Variants in AFF2 observed in about 807,000 individuals in gnomAD.
The protein encoded by AFF2 is ALF transcription elongation factor 2.
A neutral mutation model predicts 76.9 loss-of-function variants in AFF2; 14 were observed. That is an observed-to-expected ratio of 0.18 (90% confidence interval 0.12 to 0.28). AFF2 has a LOEUF of 0.28. Ranked by LOEUF, AFF2 falls within the 10% of genes least tolerant of loss-of-function variation. The pLI, the probability that AFF2 is intolerant of heterozygous loss-of-function variation, is 1.00. For synonymous variants in AFF2, 398 were observed against 366.7 expected (o/e 1.09, Z -0.98); for missense variants, 868 against 1,001.1 (o/e 0.87, Z 1.79).
At chrX:148,735,348 T>A (rs2055272567) in intron 3 of AFF2, among the ~76,000 whole-genome samples, 1 of 112,254 alleles carries the variant, frequency 8.9e-6, no homozygotes, top group Non-Finnish European at 1.9e-5. Context: ...TGTGCAATTT[T>A]TGTTTTGTTT....
In AFF2 at chrX:148,991,431, T is replaced by G; in HGVS notation, c.*99T>G. ...ACTCCACTCACTGGGGAACGTTCTC[T>G]TTGGTTATGTTTGTTTTTATGCTTC... is the stretch of plus-strand genomic sequence containing the variant. On this transcript the variant is annotated 3_prime_UTR_variant, in exon 21 of 21. Coordinates refer to ENST00000370460, the MANE Select transcript of AFF2 (RefSeq NM_002025.4). The G allele has an allele frequency of 6.5e-6, 6 of 923,246 alleles. No homozygotes were observed. The highest frequency in any genetic ancestry group is 7.2e-6 in the Non-Finnish European group (5 of 699,221). 76.1% of individuals were successfully genotyped at this position (923,246 alleles called of 1,213,427 possible).
At chrX:148,640,689 C>A (rs1387236294) in intron 1 of AFF2, among the ~76,000 whole-genome samples, 2 of 112,547 alleles carry the variant, frequency 1.8e-5, no homozygotes, top group Non-Finnish European at 3.8e-5. Context: ...TAACCATTCA[C>A]ATGCTTATCT....
chrX:148,661,150 C>T (rs1349082855), intron 2 of AFF2, among the ~76,000 whole-genome samples: 1 of 112,489 alleles, frequency 8.9e-6, no homozygotes, highest in Admixed American at 9.4e-5. Flanking sequence ...CCTTAAACAA[C>T]AGTTTAAATA....
chrX:148,746,849 G>A (rs551816540), intron 3 of AFF2, among the ~76,000 whole-genome samples: 218 of 112,234 alleles, frequency 1.9e-3, no homozygotes, highest in South Asian at 3.7e-3. Context: ...GACTAGTTGG[G>A]ATTGACATAC....
chrX:148,865,819 A>G (rs1484602913), intron 7 of AFF2, among the ~76,000 whole-genome samples: 2 of 111,867 alleles, frequency 1.8e-5, no homozygotes, highest in African/African-American at 6.5e-5. Context: ...ATGAATGACG[A>G]TTGGAGTAGG....
intron 16 of AFF2, 46 bp downstream of exon 16, chrX:148,973,653 G>C (rs781914237): frequency 8.9e-7 from 1 of 1,125,594 alleles, no homozygotes; most frequent in Non-Finnish European, 1.2e-6. Context: ...ATTTCAGCTA[G>C]AATTAGAAGC....
intron 9 of AFF2, among the ~76,000 whole-genome samples, chrX:148,924,971 C>A (rs1557283624): frequency 8.9e-6 from 1 of 112,515 alleles, no homozygotes; most frequent in African/African-American, 3.2e-5. Context: ...ACTTCTAAAT[C>A]TAACCATTCC....
At chrX:148,791,335 G>C (rs1557269912) in intron 3 of AFF2, among the ~76,000 whole-genome samples, 2 of 111,750 alleles carry the variant, frequency 1.8e-5, no homozygotes, top group East Asian at 5.7e-4. Flanking sequence ...AGCATGTACA[G>C]GGGAACTCCC....
chrX:148,844,480 T>C (rs1255199056), intron 7 of AFF2, among the ~76,000 whole-genome samples: 1 of 112,313 alleles, frequency 8.9e-6, no homozygotes, highest in Non-Finnish European at 1.9e-5. Context: ...TAATATCCAT[T>C]TGTCCAAGAG....
intron 12 of AFF2, 52 bp from the exon 13 acceptor site, chrX:148,962,663 G>A: frequency 1.9e-6 from 2 of 1,046,811 alleles, no homozygotes; most frequent in South Asian, 2.0e-5. Flanking sequence ...GGGAAAATCA[G>A]AATAAAGAGA....
At chrX:148,547,709 C>A (rs1414452714) in intron 1 of AFF2, among the ~76,000 whole-genome samples, 1 of 112,062 alleles carries the variant, frequency 8.9e-6, no homozygotes, top group Admixed American at 9.4e-5. Flanking sequence ...GATGGTTAAG[C>A]AATGGCACAA....
intron 12 of AFF2, 140 bp from the exon 13 acceptor site, chrX:148,962,575 A>AT (rs1340418308): frequency 1.1e-5 from 5 of 466,169 alleles, no homozygotes; most frequent in Non-Finnish European, 1.4e-5. Flanking sequence ...GTCTATATGC[A>AT]TTTTTAGATA....
intron 1 of AFF2, among the ~76,000 whole-genome samples, chrX:148,577,820 A>G (rs1263074949): frequency 9.0e-6 from 1 of 111,165 alleles, no homozygotes; most frequent in Non-Finnish European, 1.9e-5. Context: ...TTTTCCCCCA[A>G]ATGCCTTTAC....
chrX:148,903,562 T>C (rs1398167432), intron 8 of AFF2, among the ~76,000 whole-genome samples: 4 of 112,138 alleles, frequency 3.6e-5, no homozygotes, highest in Non-Finnish European at 7.5e-5. Flanking sequence ...GGAACCGGGC[T>C]CCATGTCTAA....
intron 9 of AFF2, among the ~76,000 whole-genome samples, chrX:148,921,307 A>G (rs1352154328): frequency 1.8e-5 from 2 of 112,098 alleles, no homozygotes; most frequent in African/African-American, 6.5e-5. Flanking sequence ...TATACAATTC[A>G]TTGGCTTATA....
At chrX:148,878,984 G>T (rs2071066392) in intron 7 of AFF2, among the ~76,000 whole-genome samples, 2 of 111,992 alleles carry the variant, frequency 1.8e-5, no homozygotes, top group Admixed American at 1.9e-4. Flanking sequence ...GCAGAAAATT[G>T]GTATTGTGAT....
chrX:148,670,349 A>G (rs1220938398), intron 3 of AFF2, among the ~76,000 whole-genome samples: 1 of 111,512 alleles, frequency 9.0e-6, no homozygotes, highest in Non-Finnish European at 1.9e-5. Context: ...TTTGTTTTGA[A>G]CTTGGCCTTT....
chrX:148,870,651 G>A (rs2070962511), intron 7 of AFF2, among the ~76,000 whole-genome samples: 1 of 112,285 alleles, frequency 8.9e-6, no homozygotes, highest in African/African-American at 3.2e-5. Flanking sequence ...GCTGTTAAAT[G>A]GGTTGAAGTG....
chrX:148,510,188 T>C (rs2052467309), intron 1 of AFF2, among the ~76,000 whole-genome samples: 1 of 112,119 alleles, frequency 8.9e-6, no homozygotes, highest in African/African-American at 3.2e-5. Context: ...ATTTATTCAG[T>C]TCATTCAGGC....
Sources: gnomAD v4.1 joint callset for allele counts (sites outside exome capture counted in the v4.1 genomes callset) on GRCh38, gnomAD v4.1.1 for gene constraint, MANE v1.5 for transcripts, NCBI Gene and HGNC (gene_info 2026-07-23, HGNC 2026-07-21) for gene names.